Variants in PIK3C2G observed in about 807,000 individuals in gnomAD.
PIK3C2G encodes phosphatidylinositol 3-kinase C2 domain-containing subunit gamma.
A neutral mutation model predicts 181.1 loss-of-function variants in PIK3C2G; 168 were observed. That is an observed-to-expected ratio of 0.93 (90% CI 0.82 to 1.05). The LOEUF is 1.05. PIK3C2G is among the 50% of genes least tolerant of loss of function. The pLI, the probability that PIK3C2G is intolerant of heterozygous loss-of-function variation, is 0.00. For synonymous variants in PIK3C2G, 573 were observed against 592.2 expected (o/e 0.97, Z 0.47); for missense variants, 1,869 against 1,732.8 (o/e 1.08, Z -1.40).
intron 31 of PIK3C2G, among the ~76,000 whole-genome samples, chr12:18,625,145 A>G (rs1949038149): frequency 6.6e-6 from 1 of 151,338 alleles, no homozygotes; most frequent in Non-Finnish European, 1.5e-5. Context: ...TTCTTATTTG[A>G]TATTGGCATT....
upstream of PIK3C2G, among the ~76,000 whole-genome samples, chr12:18,245,552 T>A (rs910791601): frequency 7.9e-5 from 12 of 152,130 alleles, no homozygotes; most frequent in South Asian, 4.1e-4. Flanking sequence ...TTTTTCAATG[T>A]TCCCATCTAA....
the PIK3C2G span, among the ~76,000 whole-genome samples, chr12:18,687,808 C>T: frequency 6.6e-6 from 1 of 151,742 alleles, no homozygotes; most frequent in African/African-American, 2.4e-5. Context: ...CTTCTTAATT[C>T]GGTGATATGA....
chr12:18,610,965 G>GT (rs1948301182), intron 31 of PIK3C2G, among the ~76,000 whole-genome samples: 1 of 152,006 alleles, frequency 6.6e-6, no homozygotes, highest in African/African-American at 2.4e-5. Flanking sequence ...GACTGGGCAT[G>GT]TAAACCACAC....
intron 24 of PIK3C2G, among the ~76,000 whole-genome samples, chr12:18,506,263 G>A (rs1162692411): frequency 6.6e-6 from 1 of 152,142 alleles, no homozygotes; most frequent in African/African-American, 2.4e-5. Context: ...GGGATGGAGA[G>A]GGGCGGGCAG....
intron 24 of PIK3C2G, among the ~76,000 whole-genome samples, chr12:18,519,341 T>G (rs910917124): frequency 6.6e-6 from 1 of 152,208 alleles, no homozygotes; most frequent in Admixed American, 6.5e-5. Flanking sequence ...CCACTATTAT[T>G]GTGTGGGAGT....
At chr12:18,307,635 C>A (rs1194403216) in intron 5 of PIK3C2G, among the ~76,000 whole-genome samples, 1 of 151,876 alleles carries the variant, frequency 6.6e-6, no homozygotes, top group African/African-American at 2.4e-5. Context: ...CCTTTCATTT[C>A]TCTTTCTCTT....
At chr12:18,298,679 G>A (rs1382035607) in intron 5 of PIK3C2G, among the ~76,000 whole-genome samples, 1 of 151,520 alleles carries the variant, frequency 6.6e-6, no homozygotes, top group African/African-American at 2.4e-5. Context: ...TATAATTTCC[G>A]GATTTAGGTT....
At chr12:18,485,435 C>A (rs2136038561) in intron 18 of PIK3C2G, among the ~76,000 whole-genome samples, 1 of 152,260 alleles carries the variant, frequency 6.6e-6, no homozygotes, top group South Asian at 2.1e-4. Context: ...CCATGACATC[C>A]TATAAAAAAT....
chr12:18,647,781 T>C (rs1950225089), intron 32 of PIK3C2G, 95 bp from the exon 33 acceptor site: 1 of 607,832 alleles, frequency 1.6e-6, no homozygotes, highest in Admixed American at 3.9e-5. Flanking sequence ...GTATAAGATA[T>C]TAGCAGCTAA....
chr12:18,518,947 G>A (rs555106153), intron 24 of PIK3C2G, among the ~76,000 whole-genome samples: 2 of 152,188 alleles, frequency 1.3e-5, no homozygotes, highest in Admixed American at 1.3e-4. Context: ...TGTTCTCATT[G>A]GTTTCAAAGA....
intron 30 of PIK3C2G, among the ~76,000 whole-genome samples, chr12:18,596,801 C>A (rs1211971118): frequency 1.3e-5 from 2 of 152,064 alleles, no homozygotes. Context: ...TAGCTACTCG[C>A]TCTGGCAGAG....
chr12:18,344,512 A>G (rs1939469005), intron 10 of PIK3C2G, among the ~76,000 whole-genome samples: 1 of 152,090 alleles, frequency 6.6e-6, no homozygotes, highest in African/African-American at 2.4e-5. Flanking sequence ...TGCTAACAGA[A>G]TCTAAGTGGT....
chr12:18,565,599 G>A (rs1384869065), intron 28 of PIK3C2G, among the ~76,000 whole-genome samples: 2 of 152,032 alleles, frequency 1.3e-5, no homozygotes, highest in Non-Finnish European at 2.9e-5. Flanking sequence ...GAAATTGAGG[G>A]AGGATATGAT....
intron 28 of PIK3C2G, among the ~76,000 whole-genome samples, chr12:18,566,635 C>CT (rs955290709): frequency 1.3e-5 from 2 of 152,160 alleles, no homozygotes; most frequent in African/African-American, 4.8e-5. Context: ...TTCAGACAGT[C>CT]TTTTTTTAAG....
At chr12:18,660,978 C>A in the PIK3C2G span, among the ~76,000 whole-genome samples, 1 of 151,786 alleles carries the variant, frequency 6.6e-6, no homozygotes, top group East Asian at 1.9e-4. Flanking sequence ...CAAATGAAGC[C>A]AAAATGAAAT....
intron 20 of PIK3C2G, 44 bp from the exon 21 acceptor site, chr12:18,496,018 T>C: frequency 9.7e-7 from 1 of 1,036,044 alleles, no homozygotes; most frequent in Non-Finnish European, 1.4e-6. Flanking sequence ...GATTGGGGTC[T>C]GATTTATTTT....
At chr12:18,693,373 A>G in the PIK3C2G span, 1 of 1,603,854 alleles carries the variant, frequency 6.2e-7, no homozygotes, top group Non-Finnish European at 8.5e-7. Context: ...GAAATTAAGG[A>G]ATCTGTGGAG....
At chr12:18,258,440 C>G (rs1051088403), upstream of PIK3C2G, among the ~76,000 whole-genome samples, 1 of 152,094 alleles carries the variant, frequency 6.6e-6, no homozygotes, top group Non-Finnish European at 1.5e-5. Flanking sequence ...TCTCCCCAGT[C>G]TCCCTCCCAC....
chr12:18,565,802 A>T (rs1321334280), intron 28 of PIK3C2G, among the ~76,000 whole-genome samples: 2 of 152,142 alleles, frequency 1.3e-5, no homozygotes, highest in Non-Finnish European at 2.9e-5. Context: ...ATTGACGTAG[A>T]CTTCTGTTTT....
Sources: allele counts gnomAD v4.1 joint callset (sites outside exome capture counted in the v4.1 genomes callset), GRCh38; gene constraint gnomAD v4.1.1; transcripts MANE v1.5; gene names NCBI Gene and HGNC (gene_info 2026-07-23, HGNC 2026-07-21).